The following CEP63 variants were observed in gnomAD, a reference collection of about 807,000 sequenced individuals.
The protein encoded by CEP63 is centrosomal protein 63, also known as centrosomal protein of 63 kDa.
CEP63 carries 84 observed loss-of-function variants against 89.1 expected under a neutral mutation model. The ratio of observed to expected loss-of-function variants is 0.94; its 90% CI spans 0.79 to 1.13. CEP63 has a LOEUF of 1.13. CEP63 is among the 50% of genes most tolerant of loss of function. The pLI is 0.00. For synonymous variants in CEP63, 267 were observed against 272.5 expected (o/e 0.98, Z 0.20); for missense variants, 838 against 813.3 (o/e 1.03, Z -0.37).
chr3:134,496,234 C>T (rs1939886022), intron 2 of CEP63, among the ~76,000 whole-genome samples: 1 of 152,070 alleles, frequency 6.6e-6, no homozygotes, highest in South Asian at 2.1e-4. Context: ...ACATGGAGTT[C>T]CCAAGGAGGC....
the CEP63 span, among the ~76,000 whole-genome samples, chr3:134,666,767 C>T: frequency 1.3e-5 from 2 of 152,232 alleles, no homozygotes; most frequent in Non-Finnish European, 2.9e-5. Context: ...TTATCCAGCT[C>T]TGCTACGTGC....
chr3:134,640,291 G>A, the CEP63 span, among the ~76,000 whole-genome samples: 1 of 152,140 alleles, frequency 6.6e-6, no homozygotes, highest in South Asian at 2.1e-4. Context: ...GAGACAGTAT[G>A]GGGGAGTAGT....
At chr3:134,637,622 C>T in the CEP63 span, among the ~76,000 whole-genome samples, 2 of 152,224 alleles carry the variant, frequency 1.3e-5, no homozygotes, top group Non-Finnish European at 1.5e-5. Context: ...CAACAAATCT[C>T]TTCCCCAAAC....
At chr3:134,747,454 C>T in the CEP63 span, among the ~76,000 whole-genome samples, 73 of 152,314 alleles carry the variant, frequency 4.8e-4, no homozygotes, top group Non-Finnish European at 8.5e-4. Context: ...ACATTAGAGG[C>T]CATAGCAATG....
chr3:134,706,258 G>A, the CEP63 span, among the ~76,000 whole-genome samples: 1 of 152,190 alleles, frequency 6.6e-6, no homozygotes, highest in African/African-American at 2.4e-5. Flanking sequence ...GAGGGTGTGG[G>A]AGTTTTGATC....
the CEP63 span, among the ~76,000 whole-genome samples, chr3:134,686,061 G>A: frequency 3.3e-5 from 5 of 152,208 alleles, no homozygotes; most frequent in African/African-American, 1.2e-4. Flanking sequence ...TCCGATGTCT[G>A]TGCTGTAAGC....
At chr3:134,734,472 C>T in the CEP63 span, among the ~76,000 whole-genome samples, 2 of 152,024 alleles carry the variant, frequency 1.3e-5, no homozygotes, top group African/African-American at 2.4e-5. Context: ...AACATTTAGG[C>T]AAGCATGATC....
chr3:134,697,993 G>A, the CEP63 span, among the ~76,000 whole-genome samples: 2 of 152,230 alleles, frequency 1.3e-5, no homozygotes, highest in Non-Finnish European at 2.9e-5. Context: ...CAGATGCACA[G>A]CATGAACATA....
chr3:134,658,889 A>C, the CEP63 span, among the ~76,000 whole-genome samples: 1 of 152,178 alleles, frequency 6.6e-6, no homozygotes, highest in African/African-American at 2.4e-5. Context: ...AGCAATTTTC[A>C]TTCTTAACCT....
the CEP63 span, among the ~76,000 whole-genome samples, chr3:134,613,801 A>T: frequency 1.3e-5 from 2 of 152,240 alleles, no homozygotes; most frequent in Admixed American, 6.5e-5. Flanking sequence ...CATAATTCTC[A>T]TGCAAAATCC....
chr3:134,585,281 G>A (rs1401315166), intron 10 of CEP63, among the ~76,000 whole-genome samples: 1 of 151,928 alleles, frequency 6.6e-6, no homozygotes, highest in Non-Finnish European at 1.5e-5. Flanking sequence ...TGTGATGTTA[G>A]GGTGTCAATT....
At chr3:134,518,808 T>C (rs1946788743) in intron 3 of CEP63, among the ~76,000 whole-genome samples, 2 of 151,634 alleles carry the variant, frequency 1.3e-5, no homozygotes, top group South Asian at 2.1e-4. Context: ...GTAATAAAGA[T>C]AAGAACAGAA....
At chr3:134,524,308 A>G (rs1195159502) in intron 3 of CEP63, among the ~76,000 whole-genome samples, 1 of 152,138 alleles carries the variant, frequency 6.6e-6, no homozygotes, top group Non-Finnish European at 1.5e-5. Flanking sequence ...GGTTTTCTAG[A>G]TAGAGGATCA....
the CEP63 span, among the ~76,000 whole-genome samples, chr3:134,628,387 C>G: frequency 6.6e-6 from 1 of 152,348 alleles, no homozygotes; most frequent in South Asian, 2.1e-4. Context: ...AGGAAAGGAA[C>G]TTTCCCTGCC....
intron 8 of CEP63, 34 bp downstream of exon 8, chr3:134,546,322 C>A: frequency 1.3e-6 from 2 of 1,571,038 alleles, no homozygotes; most frequent in Non-Finnish European, 1.8e-6. Flanking sequence ...TCATCTTAGC[C>A]ACTTAATGAC....
intron 11 of CEP63, chr3:134,574,721 A>T: frequency 1.9e-6 from 1 of 529,564 alleles, no homozygotes. Context: ...GATCCACCTC[A>T]GCCTCCTGAG....
chr3:134,508,663 G>A (rs115954231), intron 3 of CEP63, among the ~76,000 whole-genome samples: 3 of 152,238 alleles, frequency 2.0e-5, no homozygotes, highest in East Asian at 1.9e-4. Flanking sequence ...TAGTTTTGAC[G>A]CCACGGGCAT....
chr3:134,526,928 G>A (rs1048656120), intron 3 of CEP63, among the ~76,000 whole-genome samples: 20 of 151,786 alleles, frequency 1.3e-4, no homozygotes, highest in Admixed American at 3.9e-4. Flanking sequence ...GGGGGGGCTC[G>A]TATTGGGCCC....
At chr3:134,692,294 G>A in the CEP63 span, among the ~76,000 whole-genome samples, 2 of 151,348 alleles carry the variant, frequency 1.3e-5, no homozygotes, top group Non-Finnish European at 2.9e-5. Context: ...GGTGTGTGAT[G>A]TTCCCCTTCC....
Sources: allele counts gnomAD v4.1 joint callset (sites outside exome capture counted in the v4.1 genomes callset), GRCh38; gene constraint gnomAD v4.1.1; transcripts MANE v1.5; gene names NCBI Gene and HGNC (gene_info 2026-07-23, HGNC 2026-07-21).